The following B4GALNT3 variants were observed in gnomAD, a reference collection of about 807,000 sequenced individuals.
B4GALNT3 encodes the protein beta-1,4-N-acetyl-galactosaminyltransferase 3.
In B4GALNT3, 86 loss-of-function variants were observed where a neutral mutation model predicts 120.2. That is an observed-to-expected ratio of 0.72 (90% CI 0.60 to 0.86). The LOEUF (loss-of-function observed/expected upper bound fraction) is 0.86. Ranked by LOEUF, B4GALNT3 falls within the 40% of genes least tolerant of loss-of-function variation. The pLI is 0.00. For synonymous variants in B4GALNT3, 518 were observed against 510.4 expected (o/e 1.01, Z -0.20); for missense variants, 1,167 against 1,298.9 (o/e 0.90, Z 1.56).
intron 3 of B4GALNT3, among the ~76,000 whole-genome samples, chr12:536,679 C>T (rs1274617313): frequency 1.3e-5 from 2 of 152,178 alleles, no homozygotes; most frequent in Admixed American, 6.5e-5. Flanking sequence ...TCACTCCACG[C>T]GTTCCAGGTT....
chr12:561,551 G>A lies in B4GALNT3; in HGVS notation c.*100G>A, dbSNP rs1249573767. 2 of 977,434 alleles carry A rather than the reference G, an allele frequency of 2.0e-6. No individual in the cohort carries two copies. Among genetic ancestry groups the A allele is most frequent in the Admixed American group, 2.2e-5 (1 of 44,512 alleles). 60.5% of individuals were successfully genotyped at this position (977,434 alleles called of 1,614,324 possible). On this transcript the variant is annotated 3_prime_UTR_variant, in exon 20 of 20. Coordinates refer to ENST00000266383, the MANE Select transcript of B4GALNT3 (RefSeq NM_173593.4). ...AGGGATGGGGAGTGGGGTGACGGCTGGACCCCAAGAGGCCTCGAAGCTGAC... is the reference window on the plus strand; with the variant it reads ...AGGGATGGGGAGTGGGGTGACGGCTAGACCCCAAGAGGCCTCGAAGCTGAC...
At chr12:558,200 C>A in intron 17 of B4GALNT3, 112 bp downstream of exon 17, 1 of 1,178,902 alleles carries the variant, frequency 8.5e-7, no homozygotes, top group Non-Finnish European at 1.2e-6. Flanking sequence ...GGAATGAGGA[C>A]ACAGGAGGTC....
intron 1 of B4GALNT3, among the ~76,000 whole-genome samples, chr12:465,516 GTTT>G (rs11350211): frequency 1.3e-5 from 2 of 148,830 alleles, no homozygotes. Context: ...GACATCAATG[GTTT>G]TTTTTTTTTT....
Position 550,030 on chromosome 12 carries a change from T to C in B4GALNT3, c.997+118T>C. 3 of 1,168,678 alleles carry C rather than the reference T, an allele frequency of 2.6e-6. No individual in the cohort carries two copies. The highest frequency in any genetic ancestry group is 2.6e-5 in the Admixed American group (1 of 38,792). The allele number at this position is 1,168,678 out of a possible 1,614,324, so 72.4% of individuals were successfully genotyped here. Reference sequence around the variant, plus strand: ...AGTATCCCAATCACCGTAGAACTTTTTATCGTCCTTGTAACATAGAACATG... The same window carrying C: ...AGTATCCCAATCACCGTAGAACTTTCTATCGTCCTTGTAACATAGAACATG... On this transcript the variant is annotated intron_variant, in intron 10 of 19. Coordinates refer to ENST00000266383, the MANE Select transcript of B4GALNT3 (RefSeq NM_173593.4). This position sits in a 1 kb window ranked among gnomAD's most constrained non-coding sequence, Gnocchi z 4.1.
chr12:553,454 C>T lies in B4GALNT3; in HGVS notation c.1531C>T (p.Pro511Ser). 6.2e-7 allele frequency: 1 copy of T among 1,614,144 alleles called. No homozygotes were observed. The highest frequency in any genetic ancestry group is 8.5e-7 in the Non-Finnish European group (1 of 1,180,052). ...GACCAGCCACATTCCAGTGCAGCAG[C>T]CAGAGAAGAGGAAGCAAAAACCCAG... ...GRTSHIPVQQPEKRKQKPSPE... is the reference protein window; with the variant it reads ...GRTSHIPVQQSEKRKQKPSPE... The change falls in exon 14 of 20, where the codon CCA (proline) becomes TCA (serine). Residue 511 changes from proline to serine, a missense_variant. By Grantham distance (74) the Pro-to-Ser change is moderately conservative. Around this residue, in one of 3 missense-constraint regions of B4GALNT3, gnomAD observed 983 missense variants for 1,102.5 expected, o/e 0.89. Transcript: ENST00000266383.
intron 3 of B4GALNT3, chr12:540,470 AT>A (rs1460402890): frequency 6.6e-6 from 1 of 152,182 alleles, no homozygotes. Flanking sequence ...GGAGAGAACT[AT>A]TTGAGAAGAG....
At chr12:512,606 A>C (rs1280121770) in intron 1 of B4GALNT3, among the ~76,000 whole-genome samples, 5 of 90,680 alleles carry the variant, frequency 5.5e-5, no homozygotes, top group African/African-American at 9.4e-5. Flanking sequence ...TCCACCTTCC[A>C]CCTTCCACCT....
rs145300432 is a variant in B4GALNT3, at chr12:553,613, C to G, written c.1690C>G (p.Gln564Glu). 157 of 1,614,014 alleles carry G rather than the reference C, an allele frequency of 9.7e-5. No homozygotes were observed. The African/African-American group carries it at 2.0e-3, about 21-fold the overall frequency. ...CCCCAGGAAGACTCAGTGGCTGAAC[C>G]AGGTGGAGTCGTACATCGCAGAGCA... Reference protein sequence around the residue: ...DSPRKTQWLNQVESYIAEQRR... With the variant: ...DSPRKTQWLNEVESYIAEQRR... The change falls in exon 14 of 20, where the codon CAG becomes GAG. Residue 564 changes from glutamine (Q) to glutamate (E), a missense_variant. By Grantham distance (29) the Gln-to-Glu change is conservative. Around this residue, in one of 3 missense-constraint regions of B4GALNT3, gnomAD observed 983 missense variants for 1,102.5 expected, o/e 0.89. Coordinates refer to ENST00000266383, the MANE Select transcript of B4GALNT3 (RefSeq NM_173593.4).
intron 1 of B4GALNT3, among the ~76,000 whole-genome samples, chr12:524,257 C>T (rs142203720): frequency 1.2e-4 from 18 of 152,268 alleles, no homozygotes; most frequent in Middle Eastern, 3.4e-3. Flanking sequence ...ATGCCTTCTC[C>T]GTCCTATTTA....
chr12:555,950 A>AT lies in B4GALNT3; in HGVS notation c.2061-591dup, dbSNP rs1244402452. ...AGGTGCCCACCACCACACCTGGCTA[A>AT]TTTTTTATATTTTTAGTAGAGACAG... On this transcript the variant is annotated intron_variant, in intron 14 of 19. Transcript: ENST00000266383. Among the ~76,000 whole-genome samples, 4 of 151,490 alleles carry AT rather than the reference A, an allele frequency of 2.6e-5. No homozygotes were observed. In the East Asian group the frequency reaches 7.7e-4, roughly 29 times the overall value.
chr12:533,091 C>G (rs985442025), intron 1 of B4GALNT3, among the ~76,000 whole-genome samples: 3 of 152,200 alleles, frequency 2.0e-5, no homozygotes, highest in African/African-American at 7.2e-5. Flanking sequence ...CCATCCTCCT[C>G]CTCCCCACAG....
chr12:517,607 C>T (rs368926254), intron 1 of B4GALNT3, among the ~76,000 whole-genome samples: 2 of 152,068 alleles, frequency 1.3e-5, no homozygotes, highest in East Asian at 1.9e-4. Flanking sequence ...TTCCACCTTC[C>T]CCAAAATGCC....
chr12:526,353 G>A lies in B4GALNT3; in HGVS notation c.170-8813G>A, dbSNP rs1225263268. 2.6e-5 allele frequency among the ~76,000 whole-genome samples: 4 copies of A among 152,206 alleles called. No homozygotes were observed. In the East Asian group the frequency reaches 7.7e-4, roughly 29 times the overall value. Reference sequence around the variant, plus strand: ...CTTTGAAAGACTCCAGGGAGGAAAAGGATTGCCCCACATCTTCCGTCTGCA... The same window carrying A: ...CTTTGAAAGACTCCAGGGAGGAAAAAGATTGCCCCACATCTTCCGTCTGCA... On this transcript the variant is annotated intron_variant, in intron 1 of 19. Transcript: ENST00000266383.
chr12:478,537 GT>G (rs943678054), intron 1 of B4GALNT3, among the ~76,000 whole-genome samples: 1 of 152,134 alleles, frequency 6.6e-6, no homozygotes, highest in African/African-American at 2.4e-5. Flanking sequence ...CAAGGTACTT[GT>G]TAATACAAAA....
intron 1 of B4GALNT3, among the ~76,000 whole-genome samples, chr12:479,738 T>C (rs1395453911): frequency 6.6e-6 from 1 of 152,072 alleles, no homozygotes; most frequent in Non-Finnish European, 1.5e-5. Context: ...CGTTGTAGAA[T>C]CATAGAGTAT....
Position 559,429 on chromosome 12 carries a change from G to T in B4GALNT3, c.2888+8G>T. 6.2e-7 allele frequency: 1 copy of T among 1,613,028 alleles called. No homozygotes were observed. Reference sequence around the variant, plus strand: ...CTGGGAGCTGCTGGACAGGTGACTGGGAAGAGGAGGGCATCCACGAGGCCT... The same window carrying T: ...CTGGGAGCTGCTGGACAGGTGACTGTGAAGAGGAGGGCATCCACGAGGCCT... On this transcript the variant is annotated splice_region_variant and intron_variant, in intron 19 of 19. Transcript: ENST00000266383.
intron 1 of B4GALNT3, among the ~76,000 whole-genome samples, chr12:512,760 T>C: frequency 7.4e-6 from 1 of 134,576 alleles, no homozygotes; most frequent in Admixed American, 7.2e-5. Flanking sequence ...CCTTCCACCT[T>C]CCGCCTTCCG....
Position 522,082 on chromosome 12 carries a change from A to G in B4GALNT3, c.170-13084A>G, listed in dbSNP as rs568933502. Among the ~76,000 whole-genome samples the G allele has an allele frequency of 6.1e-4, 93 of 151,880 alleles. No homozygotes were observed. The South Asian group carries it at 0.018, about 30-fold the overall frequency. ...AGACTTTCTGCTTTCTCCATCAAAC[A>G]TGAGCTTTGCCACCAAAGAAGAGAG... On this transcript the variant is annotated intron_variant, in intron 1 of 19. Transcript: ENST00000266383.
At position 557,658 on chromosome 12, in the gene B4GALNT3, C is replaced by G. The variant is rs961347653; in HGVS notation, c.2431C>G (p.Leu811Val). 1 of 1,611,556 alleles carries G rather than the reference C, an allele frequency of 6.2e-7. No homozygotes were observed. Among genetic ancestry groups the G allele is most frequent in the Non-Finnish European group, 8.5e-7 (1 of 1,179,254 alleles). The part of the protein sequence containing the change: ...VQQFIKDMEN[L>V]FQVTGDPHFN... ...GCAATTCATCAAAGACATGGAAAAC[C>G]TGTTCCAGGTCACCGGTGACCCACA... The change falls in exon 16 of 20, where the codon CTG becomes GTG. Residue 811 changes from leucine (L) to valine (V), a missense_variant. This residue lies in a region of B4GALNT3 where 983 missense variants were observed against 1,102.5 expected (regional missense o/e 0.89). Coordinates refer to ENST00000266383, the MANE Select transcript of B4GALNT3 (RefSeq NM_173593.4).
Sources: gnomAD v4.1 joint callset for allele counts (sites outside exome capture counted in the v4.1 genomes callset) on GRCh38, gnomAD v4.1.1 for gene constraint, gnomAD v4.1.1 regional missense constraint, Gnocchi (gnomAD v3.1) non-coding constraint, MANE v1.5 for transcripts, NCBI Gene and HGNC (gene_info 2026-07-23, HGNC 2026-07-21) for gene names.